Variants in GRIN2A observed in about 807,000 individuals in gnomAD.
GRIN2A encodes glutamate ionotropic receptor NMDA type subunit 2A.
GRIN2A carries 22 observed loss-of-function variants against 113.4 expected under a neutral mutation model. That is an observed-to-expected ratio of 0.19 (90% CI 0.14 to 0.28). GRIN2A has a LOEUF of 0.28. Ranked by LOEUF, GRIN2A falls within the 10% of genes least tolerant of loss-of-function variation. The pLI, the probability that GRIN2A is intolerant of heterozygous loss-of-function variation, is 1.00. For missense variants in GRIN2A, 1,502 were observed against 1,887.0 expected (o/e 0.80, Z 3.78); for synonymous variants, 827 against 738.4 (o/e 1.12, Z -1.94).
chr16:9,947,513 C>T (rs922296159), intron 2 of GRIN2A, among the ~76,000 whole-genome samples: 4 of 152,242 alleles, frequency 2.6e-5, no homozygotes, highest in Non-Finnish European at 5.9e-5. Flanking sequence ...TTTCCCATAA[C>T]ACTTGCTAGG....
At chr16:10,116,204 C>T (rs925373828) in intron 2 of GRIN2A, among the ~76,000 whole-genome samples, 28 of 152,186 alleles carry the variant, frequency 1.8e-4, no homozygotes, top group African/African-American at 6.5e-4. Context: ...TCATCCTCAA[C>T]AAACCAACAC....
chr16:9,869,293 T>A (rs1262440886), intron 4 of GRIN2A, among the ~76,000 whole-genome samples: 4 of 151,916 alleles, frequency 2.6e-5, no homozygotes, highest in Non-Finnish European at 2.9e-5. Context: ...ATTAGCTGAG[T>A]GTGGTGGTAC....
chr16:10,163,470 G>A lies in GRIN2A; in HGVS notation c.414+16528C>T, dbSNP rs369473685. On this transcript the variant is annotated intron_variant, in intron 2 of 12. Coordinates refer to ENST00000330684, the MANE Select transcript of GRIN2A (RefSeq NM_001134407.3). ...TCCCTGAGAAAACTTCTGCATACAC[G>A]TTGGCATAAATGACACGTGAGATCT... Among the ~76,000 whole-genome samples the A allele has an allele frequency of 2.3e-3, 350 of 152,238 alleles. 2 individuals carry two copies. Among genetic ancestry groups the A allele is most frequent in the African/African-American group, 7.9e-3 (329 of 41,538 alleles).
chr16:10,037,650 G>A (rs1272633021), intron 2 of GRIN2A, among the ~76,000 whole-genome samples: 2 of 152,068 alleles, frequency 1.3e-5, no homozygotes, highest in African/African-American at 4.8e-5. Context: ...TTTAGAGACA[G>A]GGTCTTGCAC....
At chr16:10,109,848 C>G (rs182907787) in intron 2 of GRIN2A, among the ~76,000 whole-genome samples, 6 of 151,998 alleles carry the variant, frequency 3.9e-5, no homozygotes, top group Admixed American at 3.9e-4. Flanking sequence ...ATCTCATGTA[C>G]CCCATAAATA....
At chr16:10,178,111 G>T (rs1021135788) in intron 2 of GRIN2A, among the ~76,000 whole-genome samples, 2 of 152,172 alleles carry the variant, frequency 1.3e-5, no homozygotes, top group Non-Finnish European at 2.9e-5. Flanking sequence ...AAAAACTCAA[G>T]AAGGAAGAAG....
At chr16:10,135,158 G>T (rs1237914418) in intron 2 of GRIN2A, among the ~76,000 whole-genome samples, 1 of 152,138 alleles carries the variant, frequency 6.6e-6, no homozygotes, top group Non-Finnish European at 1.5e-5. Flanking sequence ...ACTTTACCAA[G>T]TTCATTGCTT....
intron 10 of GRIN2A, among the ~76,000 whole-genome samples, chr16:9,812,908 T>C (rs923422938): frequency 6.6e-6 from 1 of 152,200 alleles, no homozygotes; most frequent in South Asian, 2.1e-4. Context: ...AGAAGAATCA[T>C]GCATTAAGCT....
chr16:9,911,526 C>A (rs1343356763), intron 3 of GRIN2A, among the ~76,000 whole-genome samples: 2 of 152,124 alleles, frequency 1.3e-5, no homozygotes, highest in Non-Finnish European at 2.9e-5. Flanking sequence ...AGCAGCCATG[C>A]CATAGGTTTG....
chr16:9,877,573 C>T (rs2043392328), intron 4 of GRIN2A, among the ~76,000 whole-genome samples: 1 of 151,582 alleles, frequency 6.6e-6, no homozygotes, highest in Middle Eastern at 3.2e-3. Flanking sequence ...TCCACTGTTA[C>T]TTTGTTCTCT....
intron 2 of GRIN2A, among the ~76,000 whole-genome samples, chr16:10,168,718 C>A (rs1049253196): frequency 1.3e-5 from 2 of 152,164 alleles, no homozygotes; most frequent in African/African-American, 2.4e-5. Flanking sequence ...TGTAGTCCAG[C>A]ACTTTAGGAG....
At chr16:9,774,775 G>A (rs1901495999) in intron 11 of GRIN2A, among the ~76,000 whole-genome samples, 1 of 152,218 alleles carries the variant, frequency 6.6e-6, no homozygotes, top group African/African-American at 2.4e-5. Flanking sequence ...CATACACACA[G>A]TGCCTGGCAT....
chr16:9,942,842 G>C (rs2044916768), intron 2 of GRIN2A, among the ~76,000 whole-genome samples: 1 of 152,024 alleles, frequency 6.6e-6, no homozygotes, highest in Admixed American at 6.6e-5. Context: ...ATTTCTATTG[G>C]TATCTTAAAA....
chr16:9,848,019 G>GGTTTCTATATT (rs2042807217), intron 5 of GRIN2A, among the ~76,000 whole-genome samples: 6 of 146,218 alleles, frequency 4.1e-5, no homozygotes, highest in Admixed American at 1.4e-4. Flanking sequence ...GTTTCTATAT[G>GGTTTCTATATT]TTAATATATG....
rs57484036 is a variant in GRIN2A at position 9,932,550 on chromosome 16, A to AT, written c.1007+5408dup. On this transcript the variant is annotated intron_variant, in intron 3 of 12. Coordinates refer to ENST00000330684, the MANE Select transcript of GRIN2A (RefSeq NM_001134407.3). ...ACCACCACACCCAGCTAAAGTTTGT[A>AT]TTTTTTTTTTTTAGTAGAGATAGGG... 2.2e-3 allele frequency among the ~76,000 whole-genome samples: 313 copies of AT among 142,512 alleles called. 1 individual carries two copies. The highest frequency in any genetic ancestry group is 3.5e-3 in the East Asian group (17 of 4,874). The allele number at this position is 142,512 out of a possible 152,430, so 93.5% of individuals were successfully genotyped here. A position where few individuals can be genotyped will look rare whatever the true frequency, so the allele number is the denominator to read the frequency against.
chr16:10,166,743 G>T (rs1249035329), intron 2 of GRIN2A, among the ~76,000 whole-genome samples: 1 of 152,144 alleles, frequency 6.6e-6, no homozygotes, highest in Non-Finnish European at 1.5e-5. Flanking sequence ...CACACTGCAT[G>T]CGTCTACCTA....
At chr16:9,783,560 T>C (rs921749414) in intron 11 of GRIN2A, among the ~76,000 whole-genome samples, 1 of 152,238 alleles carries the variant, frequency 6.6e-6, no homozygotes, top group Admixed American at 6.5e-5. Flanking sequence ...TGTTCTTTAT[T>C]GTGGTTGGCA....
In GRIN2A at chr16:9,868,809, C is replaced by A. The variant is rs117749114; in HGVS notation, c.1123-18848G>T. 1.1e-4 allele frequency among the ~76,000 whole-genome samples: 16 copies of A among 152,328 alleles called. No individual in the cohort carries two copies. In the East Asian group the frequency reaches 2.7e-3, roughly 26 times the overall value. On this transcript the variant is annotated intron_variant, in intron 4 of 12. Transcript: ENST00000330684. ...TGAATCACACAGAACTAATCACAGG[C>A]TTCTGAGTACATTGAGCTTTTCTCT...
chr16:9,782,650 GC>G (rs1186897802), intron 11 of GRIN2A, among the ~76,000 whole-genome samples: 1 of 152,154 alleles, frequency 6.6e-6, no homozygotes, highest in Non-Finnish European at 1.5e-5. Flanking sequence ...TCAGGCATGG[GC>G]CTGGCATGCT....
Sources: gnomAD v4.1 joint callset for allele counts (sites outside exome capture counted in the v4.1 genomes callset) on GRCh38, gnomAD v4.1.1 for gene constraint, MANE v1.5 for transcripts, NCBI Gene and HGNC (gene_info 2026-07-23, HGNC 2026-07-21) for gene names.